The following MTDH variants were observed in gnomAD, a reference collection of about 807,000 sequenced individuals.
MTDH encodes metadherin.
In MTDH, 34 loss-of-function variants were observed where a neutral mutation model predicts 72.7. That is an observed-to-expected ratio of 0.47 (90% CI 0.36 to 0.62). MTDH has a LOEUF of 0.62. MTDH is among the 20% of genes least tolerant of loss of function. MTDH has a pLI of 0.00. For missense variants in MTDH, 677 were observed against 699.4 expected (o/e 0.97, Z 0.36); for synonymous variants, 266 against 268.9 (o/e 0.99, Z 0.10).
chr8:97,650,257 G>C (rs1392907810), intron 1 of MTDH, among the ~76,000 whole-genome samples: 3 of 151,640 alleles, frequency 2.0e-5, no homozygotes. Context: ...GGCCCGGCCA[G>C]TTTCTTTTCT....
intron 8 of MTDH, among the ~76,000 whole-genome samples, chr8:97,709,455 T>C (rs1814531340): frequency 6.6e-6 from 1 of 152,234 alleles, no homozygotes; most frequent in Admixed American, 6.5e-5. Context: ...ATCATAGGAA[T>C]TCTTTTTCTG....
intron 1 of MTDH, among the ~76,000 whole-genome samples, chr8:97,648,218 AG>A (rs1346526009): frequency 6.6e-6 from 1 of 152,000 alleles, no homozygotes; most frequent in Non-Finnish European, 1.5e-5. Flanking sequence ...ATTAAAAGTG[AG>A]GGGGGCCACT....
chr8:97,680,903 G>GTTCT (rs1420512366), intron 2 of MTDH, among the ~76,000 whole-genome samples: 2 of 152,106 alleles, frequency 1.3e-5, no homozygotes, highest in African/African-American at 4.8e-5. Flanking sequence ...AATATCTCTT[G>GTTCT]TTCTTTTGCT....
intron 1 of MTDH, among the ~76,000 whole-genome samples, chr8:97,651,795 A>G (rs1370656707): frequency 1.3e-5 from 2 of 152,132 alleles, no homozygotes; most frequent in East Asian, 3.8e-4. Flanking sequence ...ACGTATCTCA[A>G]ACTTTTTAAA....
At chr8:97,646,444 G>C (rs1414880898) in intron 1 of MTDH, among the ~76,000 whole-genome samples, 2 of 151,998 alleles carry the variant, frequency 1.3e-5, no homozygotes, top group African/African-American at 2.4e-5. Flanking sequence ...GGTGAAAATA[G>C]AGAACCTTGC....
intron 1 of MTDH, among the ~76,000 whole-genome samples, chr8:97,648,544 A>G (rs1051782827): frequency 1.3e-5 from 2 of 151,152 alleles, no homozygotes; most frequent in Non-Finnish European, 2.9e-5. Flanking sequence ...GCTGGAGTGC[A>G]GTGGCGGTTA....
rs1357829782 is a variant in MTDH at position 97,644,273 on chromosome 8, C to G, written c.-234C>G. ...GCGGCCGCCACTGGAGACACTCCCT[C>G]CCGCCTCCCGGGTCTCCTGGCGGCG... is the stretch of plus-strand genomic sequence containing the variant. On this transcript the variant is annotated 5_prime_UTR_variant, in exon 1 of 12. Transcript: ENST00000336273. 3.6e-6 allele frequency: 2 copies of G among 548,190 alleles called. No individual in the cohort carries two copies. Among genetic ancestry groups the G allele is most frequent in the East Asian group, 7.0e-5 (2 of 28,598 alleles). 34.0% of individuals were successfully genotyped at this position (548,190 alleles called of 1,614,324 possible). A position where few individuals can be genotyped will look rare whatever the true frequency, so the allele number is the denominator to read the frequency against.
chr8:97,651,703 C>T (rs1008095354), intron 1 of MTDH, among the ~76,000 whole-genome samples: 3 of 152,102 alleles, frequency 2.0e-5, no homozygotes, highest in African/African-American at 7.2e-5. Context: ...TATATTAGTC[C>T]CTATCTGTAT....
chr8:97,722,389 C>A lies in MTDH; in HGVS notation c.1522-490C>A, dbSNP rs528484957. 3.3e-5 allele frequency among the ~76,000 whole-genome samples: 5 copies of A among 152,306 alleles called. No individual in the cohort carries two copies. The East Asian group carries it at 9.6e-4, about 29-fold the overall frequency. On this transcript the variant is annotated intron_variant, in intron 10 of 11. Coordinates refer to ENST00000336273, the MANE Select transcript of MTDH (RefSeq NM_178812.4). ...GGCTGAGGCAGGCGGATCACGAAGTCAAGAGATCGAGACCATCCTGGCTAA... is the reference window on the plus strand; with the variant it reads ...GGCTGAGGCAGGCGGATCACGAAGTAAAGAGATCGAGACCATCCTGGCTAA...
In MTDH at chr8:97,701,587, A is replaced by G. The variant is rs187136074; in HGVS notation, c.1147+1735A>G. ...GTGAAAGCACTATTTTTGGGGAAAA[A>G]AATAAACAGTATATTTGTGCTTTAG... On this transcript the variant is annotated intron_variant, in intron 7 of 11. Coordinates refer to ENST00000336273, the MANE Select transcript of MTDH (RefSeq NM_178812.4). 2.0e-5 allele frequency among the ~76,000 whole-genome samples: 3 copies of G among 152,306 alleles called. No homozygotes were observed. The East Asian group carries it at 5.8e-4, about 29-fold the overall frequency.
intron 10 of MTDH, among the ~76,000 whole-genome samples, chr8:97,720,646 CTTT>C (rs34801268): frequency 4.7e-5 from 6 of 126,532 alleles, no homozygotes; most frequent in Non-Finnish European, 4.9e-5. Context: ...GTCTATTTGA[CTTT>C]TTTTTTTTTT....
In MTDH at chr8:97,726,506, C is replaced by G. The variant is rs919920416; in HGVS notation, c.*1836C>G. 2.0e-5 allele frequency: 3 copies of G among 152,228 alleles called. No individual in the cohort carries two copies. Among genetic ancestry groups the G allele is most frequent in the African/African-American group, 7.2e-5 (3 of 41,462 alleles). The allele number at this position is 152,228 out of a possible 1,614,324, so 9.4% of individuals were successfully genotyped here. The stretch of plus-strand genomic sequence containing the variant: ...CTAATTTTAGAATGTGCCAAATGGT[C>G]TGTGCTCAACAATATAATTGAACTC... On this transcript the variant is annotated 3_prime_UTR_variant, in exon 12 of 12. Coordinates refer to ENST00000336273, the MANE Select transcript of MTDH (RefSeq NM_178812.4).
At chr8:97,698,538 A>C (rs1436218609) in intron 6 of MTDH, among the ~76,000 whole-genome samples, 1 of 152,234 alleles carries the variant, frequency 6.6e-6, no homozygotes, top group African/African-American at 2.4e-5. Context: ...GAGAAAAAAC[A>C]AAAACAGACA....
intron 1 of MTDH, among the ~76,000 whole-genome samples, chr8:97,648,508 T>C (rs1204337402): frequency 1.4e-5 from 2 of 146,074 alleles, no homozygotes; most frequent in Non-Finnish European, 3.0e-5. Context: ...TTTTTTTTTT[T>C]GAAACAGTCT....
At chr8:97,676,595 G>A (rs1164695138) in intron 2 of MTDH, among the ~76,000 whole-genome samples, 1 of 152,192 alleles carries the variant, frequency 6.6e-6, no homozygotes, top group Non-Finnish European at 1.5e-5. Context: ...TCAGCTGTGT[G>A]TGGTGGCTGA....
At chr8:97,682,884 A>G (rs1563542956) in intron 2 of MTDH, among the ~76,000 whole-genome samples, 1 of 151,992 alleles carries the variant, frequency 6.6e-6, no homozygotes, top group Admixed American at 6.6e-5. Flanking sequence ...AACAGGGTTT[A>G]GAATGATTTA....
intron 2 of MTDH, among the ~76,000 whole-genome samples, chr8:97,665,272 A>G (rs1812332988): frequency 1.3e-5 from 2 of 152,204 alleles, no homozygotes; most frequent in Non-Finnish European, 2.9e-5. Flanking sequence ...TAGAAACTGT[A>G]TATGACAAGA....
chr8:97,646,338 A>C (rs1376761631), intron 1 of MTDH, among the ~76,000 whole-genome samples: 1 of 152,222 alleles, frequency 6.6e-6, no homozygotes, highest in Non-Finnish European at 1.5e-5. Flanking sequence ...TACTACCATA[A>C]GTTAGGAGAG....
chr8:97,644,438 T>G lies in MTDH; in HGVS notation c.-69T>G, dbSNP rs1244921617. 6.7e-7 allele frequency: 1 copy of G among 1,503,534 alleles called. No homozygotes were observed. The highest frequency in any genetic ancestry group is 8.8e-7 in the Non-Finnish European group (1 of 1,134,874). The allele number at this position is 1,503,534 out of a possible 1,614,324, so 93.1% of individuals were successfully genotyped here. On this transcript the variant is annotated 5_prime_UTR_variant, in exon 1 of 12. Coordinates refer to ENST00000336273, the MANE Select transcript of MTDH (RefSeq NM_178812.4). ...TTACCCGGCCCGGCCCTTCCTCGCT[T>G]CCCTCGACTATTCCACTGCGTCTCC...
Sources: allele counts gnomAD v4.1 joint callset (sites outside exome capture counted in the v4.1 genomes callset), GRCh38; gene constraint gnomAD v4.1.1; transcripts MANE v1.5; gene names NCBI Gene and HGNC (gene_info 2026-07-23, HGNC 2026-07-21).